BICC1: variants seen among roughly 807,000 people sequenced by gnomAD.
BICC1 encodes protein bicaudal C homolog 1.
Under a neutral mutation model 111.0 loss-of-function variants are expected in BICC1, and 43 were observed. That is an observed-to-expected ratio of 0.39 (90% CI 0.30 to 0.50). The LOEUF (loss-of-function observed/expected upper bound fraction) is 0.50, where lower values mean the gene tolerates loss of function less well. BICC1 is among the 20% of genes least tolerant of loss of function. The pLI is 0.88. For missense variants in BICC1, 1,091 were observed against 1,203.2 expected (o/e 0.91, Z 1.38); for synonymous variants, 467 against 434.4 (o/e 1.07, Z -0.93).
chr10:58,571,782 A>T (rs1658426), intron 1 of BICC1, among the ~76,000 whole-genome samples: 69,769 of 151,784 alleles, frequency 0.46, 17,037 homozygotes, highest in Admixed American at 0.62. Context: ...CTATTGTGAA[A>T]AATGGCGCAG....
At chr10:58,631,249 A>G (rs1395660662) in intron 2 of BICC1, among the ~76,000 whole-genome samples, 1 of 152,202 alleles carries the variant, frequency 6.6e-6, no homozygotes, top group Admixed American at 6.5e-5. Flanking sequence ...ATTGATAGTT[A>G]CGGAGAATGC....
rs150696677 is a variant in BICC1, at chr10:58,788,760, T to G, written c.600+337T>G. 4.7e-3 allele frequency among the ~76,000 whole-genome samples: 709 copies of G among 152,230 alleles called. 3 individuals are homozygous for G. The highest frequency in any genetic ancestry group is 0.016 in the African/African-American group (677 of 41,546). On this transcript the variant is annotated intron_variant, in intron 6 of 20. Transcript: ENST00000373886. ...GCCACAGGCAATGTGAGTTAGAAACTCTCAGGTTTCACAAAAGGCTCCCAT... is the reference window on the plus strand; with the variant it reads ...GCCACAGGCAATGTGAGTTAGAAACGCTCAGGTTTCACAAAAGGCTCCCAT...
At chr10:58,770,292 T>C (rs1192254264) in intron 3 of BICC1, among the ~76,000 whole-genome samples, 1 of 152,106 alleles carries the variant, frequency 6.6e-6, no homozygotes, top group Non-Finnish European at 1.5e-5. Context: ...CATTTTTTCT[T>C]TTTTTGAGAA....
At chr10:58,687,663 C>G (rs1318358218) in intron 2 of BICC1, among the ~76,000 whole-genome samples, 1 of 152,188 alleles carries the variant, frequency 6.6e-6, no homozygotes, top group East Asian at 1.9e-4. Flanking sequence ...ATGGGATCTT[C>G]CAAGCCTGGC....
chr10:58,707,251 G>GT (rs1231146590), intron 3 of BICC1, among the ~76,000 whole-genome samples: 2 of 152,136 alleles, frequency 1.3e-5, no homozygotes, highest in Non-Finnish European at 2.9e-5. Context: ...AGTTCGTTTT[G>GT]TTTTTTCCAG....
intron 2 of BICC1, among the ~76,000 whole-genome samples, chr10:58,652,067 T>C (rs762293956): frequency 2.6e-5 from 4 of 152,030 alleles, no homozygotes; most frequent in Non-Finnish European, 4.4e-5. Context: ...AAGACAAAAA[T>C]GGAGTTGGAG....
intron 2 of BICC1, among the ~76,000 whole-genome samples, chr10:58,623,035 C>A (rs955089522): frequency 6.6e-6 from 1 of 152,170 alleles, no homozygotes; most frequent in Non-Finnish European, 1.5e-5. Context: ...AGCTACTCAA[C>A]TTTTCTAAGC....
chr10:58,548,442 A>G (rs568604870), intron 1 of BICC1, among the ~76,000 whole-genome samples: 2 of 152,324 alleles, frequency 1.3e-5, no homozygotes, highest in South Asian at 2.1e-4. Flanking sequence ...TACATTTGCT[A>G]GATTCTTTCA....
intron 1 of BICC1, among the ~76,000 whole-genome samples, chr10:58,613,609 T>G (rs573452225): frequency 6.6e-6 from 1 of 152,202 alleles, no homozygotes; most frequent in Non-Finnish European, 1.5e-5. Flanking sequence ...AAGTGCCCTT[T>G]GTTCTTCAGA....
chr10:58,738,907 A>G (rs1245999900), intron 3 of BICC1, among the ~76,000 whole-genome samples: 1 of 151,912 alleles, frequency 6.6e-6, no homozygotes, highest in Non-Finnish European at 1.5e-5. Context: ...GTGTATAAGA[A>G]TGCTTGTGAT....
At chr10:58,620,956 T>A in intron 2 of BICC1, 55 bp downstream of exon 2, 1 of 1,498,164 alleles carries the variant, frequency 6.7e-7, no homozygotes, top group South Asian at 1.2e-5. Flanking sequence ...TATACTTATC[T>A]CAACAGCTAC....
At chr10:58,617,917 A>G (rs544293401) in intron 1 of BICC1, among the ~76,000 whole-genome samples, 12 of 152,376 alleles carry the variant, frequency 7.9e-5, no homozygotes, top group Non-Finnish European at 1.8e-4. Flanking sequence ...TGTACAAAGC[A>G]ACATTGGTGT....
In BICC1 at chr10:58,829,804, A is replaced by G. The variant is rs1049781541; in HGVS notation, c.*913A>G. 1.3e-5 allele frequency: 2 copies of G among 151,916 alleles called. No homozygotes were observed. Among genetic ancestry groups the G allele is most frequent in the Non-Finnish European group, 2.9e-5 (2 of 68,034 alleles). The allele number at this position is 151,916 out of a possible 1,614,324, so 9.4% of individuals were successfully genotyped here. On this transcript the variant is annotated 3_prime_UTR_variant, in exon 21 of 21. Transcript: ENST00000373886. ...TTGCCACTAAAGGACATTTATTTAT[A>G]TCAAACTTTTATTTTTAGATATTAT...
intron 20 of BICC1, chr10:58,823,893 T>A: frequency 1.0e-6 from 1 of 985,250 alleles, no homozygotes; most frequent in Admixed American, 6.1e-5. Context: ...GTGCTGTGTT[T>A]GTTTTTAACA....
In BICC1 at chr10:58,773,960, T is replaced by C. The variant is rs993822969; in HGVS notation, c.308-11041T>C. Among the ~76,000 whole-genome samples the C allele has an allele frequency of 2.6e-5, 4 of 152,210 alleles. No individual in the cohort carries two copies. The East Asian group carries it at 7.7e-4, about 29-fold the overall frequency. The stretch of plus-strand genomic sequence containing the variant: ...GAGCAGTATACCCCCACTACCCAGA[T>C]TGTCCTTTTTTTCCATTTATTCCAG... On this transcript the variant is annotated intron_variant, in intron 3 of 20. Coordinates refer to ENST00000373886, the MANE Select transcript of BICC1 (RefSeq NM_001080512.3).
chr10:58,714,879 A>C lies in BICC1; in HGVS notation c.307+12736A>C, dbSNP rs1423567365. On this transcript the variant is annotated intron_variant, in intron 3 of 20. Coordinates refer to ENST00000373886, the MANE Select transcript of BICC1 (RefSeq NM_001080512.3). The stretch of plus-strand genomic sequence containing the variant: ...TGGCATTTCTCATTAGCTAAAAAAA[A>C]AAAAAAAAAGATAGTGGCAACAATA... Among the ~76,000 whole-genome samples, 3 of 152,126 alleles carry C rather than the reference A, an allele frequency of 2.0e-5. No homozygotes were observed. In the East Asian group the frequency reaches 5.8e-4, roughly 29 times the overall value.
At chr10:58,554,017 A>G (rs759469544) in intron 1 of BICC1, among the ~76,000 whole-genome samples, 14 of 152,152 alleles carry the variant, frequency 9.2e-5, no homozygotes, top group Non-Finnish European at 1.6e-4. Flanking sequence ...TGGATTCTGT[A>G]GAAGAAGAAT....
chr10:58,629,197 G>T (rs184568146), intron 2 of BICC1, among the ~76,000 whole-genome samples: 35 of 152,288 alleles, frequency 2.3e-4, no homozygotes, highest in African/African-American at 7.9e-4. Context: ...ATGTAGTAAA[G>T]AACTTTAAGC....
chr10:58,789,165 T>TA (rs1260282937), intron 6 of BICC1, 97 bp from the exon 7 acceptor site: 18 of 1,094,704 alleles, frequency 1.6e-5, no homozygotes, highest in Non-Finnish European at 2.1e-5. Flanking sequence ...GTTTATGCTT[T>TA]AAAATCTATC....
Sources: allele counts gnomAD v4.1 joint callset (sites outside exome capture counted in the v4.1 genomes callset), GRCh38; gene constraint gnomAD v4.1.1; transcripts MANE v1.5; gene names NCBI Gene and HGNC (gene_info 2026-07-23, HGNC 2026-07-21).